Variants in FAM53B observed in about 807,000 individuals in gnomAD.
FAM53B encodes the protein family with sequence similarity 53 member B.
In FAM53B, 12 loss-of-function variants were observed where a neutral mutation model predicts 32.7. That is an observed-to-expected ratio of 0.37 (90% CI 0.24 to 0.59). FAM53B has a LOEUF of 0.59. Among genes scored for constraint, FAM53B ranks in the 20% least tolerant of loss-of-function variants. The probability of loss-of-function intolerance (pLI) is 0.72; values close to 1 mark genes in which losing one functional copy is unlikely to be tolerated. For synonymous variants in FAM53B, 234 were observed against 228.7 expected (o/e 1.02, Z -0.21); for missense variants, 477 against 577.7 (o/e 0.83, Z 1.79).
chr10:124,706,189 C>T (rs922415758), intron 2 of FAM53B, among the ~76,000 whole-genome samples: 8 of 152,198 alleles, frequency 5.3e-5, no homozygotes, highest in Non-Finnish European at 1.2e-4. Flanking sequence ...GTTGCCATAG[C>T]TCACCACACC....
chr10:124,691,791 G>T (rs1478538829), intron 3 of FAM53B, among the ~76,000 whole-genome samples: 1 of 152,208 alleles, frequency 6.6e-6, no homozygotes, highest in South Asian at 2.1e-4. Flanking sequence ...GTCCCCCACT[G>T]CAAGTGGGAG....
At chr10:124,705,339 T>G (rs1949947235) in intron 2 of FAM53B, among the ~76,000 whole-genome samples, 2 of 152,222 alleles carry the variant, frequency 1.3e-5, no homozygotes, top group Non-Finnish European at 2.9e-5. Context: ...AGGCAGTTAC[T>G]GCCTGCTCCA....
intron 4 of FAM53B, among the ~76,000 whole-genome samples, chr10:124,653,473 T>A (rs1949568506): frequency 6.6e-6 from 1 of 152,112 alleles, no homozygotes; most frequent in Non-Finnish European, 1.5e-5. Context: ...GGCCTCACTC[T>A]CCGTGTTACA....
chr10:124,627,908 G>C (rs1028572117), intron 4 of FAM53B, among the ~76,000 whole-genome samples: 2 of 134,294 alleles, frequency 1.5e-5, no homozygotes, highest in African/African-American at 5.1e-5. Context: ...TGAGTCCACG[G>C]GGATACAGAC....
chr10:124,718,297 C>A (rs1950048757), intron 1 of FAM53B, among the ~76,000 whole-genome samples: 1 of 152,176 alleles, frequency 6.6e-6, no homozygotes, highest in Admixed American at 6.5e-5. Context: ...CACTTCAGGA[C>A]TTCCCCCTTC....
At chr10:124,729,373 T>C (rs1950126930) in intron 1 of FAM53B, among the ~76,000 whole-genome samples, 2 of 152,204 alleles carry the variant, frequency 1.3e-5, no homozygotes, top group Admixed American at 1.3e-4. Flanking sequence ...TCAAGGCTAT[T>C]CTTTTCCCTT....
In FAM53B at chr10:124,619,708, G is replaced by C. The variant is rs775265019; in HGVS notation, c.*3534C>G. ...TTCTCTTTAAAGAGGCATGACAGAG[G>C]GGTTTGACCAACAGCGTGGACATGG... On this transcript the variant is annotated 3_prime_UTR_variant, in exon 5 of 5. Transcript: ENST00000337318. 3.3e-5 allele frequency: 5 copies of C among 152,632 alleles called. No homozygotes were observed. Among genetic ancestry groups the C allele is most frequent in the Non-Finnish European group, 7.3e-5 (5 of 68,040 alleles). 9.5% of individuals were successfully genotyped at this position (152,632 alleles called of 1,614,324 possible). A position where few individuals can be genotyped will look rare whatever the true frequency, so the allele number is the denominator to read the frequency against.
intron 1 of FAM53B, among the ~76,000 whole-genome samples, chr10:124,711,521 G>A (rs769672862): frequency 5.3e-5 from 8 of 151,902 alleles, no homozygotes; most frequent in Non-Finnish European, 1.2e-4. Context: ...CTGCATGAGT[G>A]TAAATGATCT....
intron 4 of FAM53B, among the ~76,000 whole-genome samples, chr10:124,674,216 C>T (rs1379297771): frequency 6.6e-6 from 1 of 152,192 alleles, no homozygotes; most frequent in African/African-American, 2.4e-5. Flanking sequence ...AGCACCTCAG[C>T]GCTGCAGAGA....
At chr10:124,685,196 C>T (rs1449771149) in intron 3 of FAM53B, among the ~76,000 whole-genome samples, 3 of 152,142 alleles carry the variant, frequency 2.0e-5, no homozygotes, top group Admixed American at 6.5e-5. Flanking sequence ...AGAAATAAAC[C>T]GAAATGTTAA....
At chr10:124,734,868 A>G (rs1322867173) in intron 1 of FAM53B, among the ~76,000 whole-genome samples, 1 of 152,210 alleles carries the variant, frequency 6.6e-6, no homozygotes. Context: ...CAGGAGTCAG[A>G]GGCCTGCACC....
chr10:124,708,413 A>G (rs1297362707), intron 1 of FAM53B, among the ~76,000 whole-genome samples: 6 of 152,230 alleles, frequency 3.9e-5, no homozygotes, highest in Admixed American at 3.9e-4. Flanking sequence ...GGAGGAGGGA[A>G]ATCAATACAT....
At chr10:124,647,433 T>G (rs752099781) in intron 4 of FAM53B, among the ~76,000 whole-genome samples, 1 of 152,048 alleles carries the variant, frequency 6.6e-6, no homozygotes, top group African/African-American at 2.4e-5. Context: ...TCTGTACATT[T>G]TGAAGTTCCA....
chr10:124,626,998 G>A (rs951678675), intron 4 of FAM53B, among the ~76,000 whole-genome samples: 3 of 152,246 alleles, frequency 2.0e-5, no homozygotes, highest in Non-Finnish European at 4.4e-5. Context: ...GCAAACCCCA[G>A]AATGCCACTG....
At chr10:124,688,387 A>G (rs1949814887) in intron 3 of FAM53B, among the ~76,000 whole-genome samples, 1 of 152,176 alleles carries the variant, frequency 6.6e-6, no homozygotes, top group South Asian at 2.1e-4. Context: ...GTCCCCACTG[A>G]GCATTATCTT....
At chr10:124,732,478 C>T (rs552217303) in intron 1 of FAM53B, among the ~76,000 whole-genome samples, 4 of 152,314 alleles carry the variant, frequency 2.6e-5, no homozygotes, top group East Asian at 1.9e-4. Flanking sequence ...CAGAGGAGCA[C>T]GCCACCACGC....
intron 3 of FAM53B, among the ~76,000 whole-genome samples, chr10:124,695,354 T>C (rs1184565182): frequency 6.6e-6 from 1 of 152,190 alleles, no homozygotes; most frequent in Non-Finnish European, 1.5e-5. Flanking sequence ...TCAATGGTCA[T>C]CTTTTTTACC....
At chr10:124,721,391 C>T (rs368703216) in intron 1 of FAM53B, among the ~76,000 whole-genome samples, 53 of 152,346 alleles carry the variant, frequency 3.5e-4, no homozygotes, top group African/African-American at 1.1e-3. Flanking sequence ...TAGCAAGTGC[C>T]GGAGGTGGCA....
intron 2 of FAM53B, among the ~76,000 whole-genome samples, chr10:124,698,569 T>C (rs17624448): frequency 0.34 from 51,362 of 152,006 alleles, 8,958 homozygotes; most frequent in Admixed American, 0.42. Context: ...CACTCGTTCA[T>C]ACATTCACTC....
Sources: allele counts gnomAD v4.1 joint callset (sites outside exome capture counted in the v4.1 genomes callset), GRCh38; gene constraint gnomAD v4.1.1; transcripts MANE v1.5; gene names NCBI Gene and HGNC (gene_info 2026-07-23, HGNC 2026-07-21).